Variants in AGBL4 observed in about 807,000 individuals in gnomAD.
AGBL4 encodes the protein AGBL carboxypeptidase 4.
In AGBL4, 58 loss-of-function variants were observed where a neutral mutation model predicts 66.4. That is an observed-to-expected ratio of 0.87 (90% CI 0.71 to 1.09). AGBL4 has a LOEUF of 1.09. AGBL4 is among the 50% of genes least tolerant of loss of function. The probability of loss-of-function intolerance (pLI) is 0.00; values close to 1 mark genes in which losing one functional copy is unlikely to be tolerated. For missense variants in AGBL4, 579 were observed against 631.0 expected, an observed-to-expected ratio of 0.92 and a Z score of 0.88; for synonymous variants, 234 against 222.9, an observed-to-expected ratio of 1.05 and a Z score of -0.44.
intron 1 of AGBL4, among the ~76,000 whole-genome samples, chr1:49,947,977 TAA>T (rs1553151759): frequency 2.7e-5 from 3 of 110,868 alleles, no homozygotes; most frequent in African/African-American, 3.9e-5. Flanking sequence ...TATATATTTA[TAA>T]ATATATATTT....
At chr1:48,708,845 G>C (rs1646919429) in intron 6 of AGBL4, among the ~76,000 whole-genome samples, 1 of 152,180 alleles carries the variant, frequency 6.6e-6, no homozygotes, top group African/African-American at 2.4e-5. Flanking sequence ...TGGCCTCCCT[G>C]TCTGGGACCC....
At chr1:48,778,506 G>A (rs989246785) in intron 6 of AGBL4, among the ~76,000 whole-genome samples, 11 of 152,146 alleles carry the variant, frequency 7.2e-5, no homozygotes, top group Non-Finnish European at 1.3e-4. Context: ...TAATGGAGGT[G>A]TTGGACTCAA....
intron 5 of AGBL4, among the ~76,000 whole-genome samples, chr1:49,043,160 G>A (rs1334364308): frequency 1.3e-5 from 2 of 152,038 alleles, no homozygotes; most frequent in Non-Finnish European, 2.9e-5. Flanking sequence ...ACTGTTAATT[G>A]GACCAGGTGC....
intron 6 of AGBL4, among the ~76,000 whole-genome samples, chr1:48,704,356 AT>A (rs1288195460): frequency 6.6e-6 from 1 of 152,242 alleles, no homozygotes; most frequent in African/African-American, 2.4e-5. Flanking sequence ...TTAGGCTACA[AT>A]CAATTTGTTA....
chr1:49,429,605 C>A (rs1471456596), intron 3 of AGBL4, among the ~76,000 whole-genome samples: 2 of 152,124 alleles, frequency 1.3e-5, no homozygotes, highest in Non-Finnish European at 2.9e-5. Flanking sequence ...CATCTCCCTG[C>A]CACTACTTCT....
At chr1:48,568,019 C>T (rs968332355) in intron 11 of AGBL4, among the ~76,000 whole-genome samples, 1 of 152,150 alleles carries the variant, frequency 6.6e-6, no homozygotes, top group African/African-American at 2.4e-5. Flanking sequence ...TTCCTTCCAG[C>T]TGGAAGCAGA....
At chr1:48,568,475 C>T (rs1644510365) in intron 11 of AGBL4, among the ~76,000 whole-genome samples, 1 of 152,208 alleles carries the variant, frequency 6.6e-6, no homozygotes, top group Non-Finnish European at 1.5e-5. Flanking sequence ...CCGTGACATG[C>T]TCTTCCCGTG....
intron 1 of AGBL4, among the ~76,000 whole-genome samples, chr1:49,969,605 A>G (rs1026945742): frequency 6.6e-6 from 1 of 152,184 alleles, no homozygotes; most frequent in Non-Finnish European, 1.5e-5. Context: ...TCATTTATGA[A>G]GTATGAGTTT....
chr1:49,202,113 T>C (rs549191211), intron 4 of AGBL4, among the ~76,000 whole-genome samples: 1 of 152,286 alleles, frequency 6.6e-6, no homozygotes, highest in Non-Finnish European at 1.5e-5. Flanking sequence ...TTTGTATAAA[T>C]GAAACATTGT....
At chr1:48,638,841 C>T (rs1275304861) in intron 8 of AGBL4, among the ~76,000 whole-genome samples, 1 of 152,196 alleles carries the variant, frequency 6.6e-6, no homozygotes. Flanking sequence ...TCCTCCTAAG[C>T]ATTTTCCTGT....
At chr1:49,312,196 C>T (rs921898187) in intron 3 of AGBL4, among the ~76,000 whole-genome samples, 1 of 152,050 alleles carries the variant, frequency 6.6e-6, no homozygotes, top group Non-Finnish European at 1.5e-5. Context: ...GGTGGCTCTA[C>T]TCCATGAATA....
intron 5 of AGBL4, among the ~76,000 whole-genome samples, chr1:48,997,562 C>A (rs1036295934): frequency 6.6e-6 from 1 of 152,180 alleles, no homozygotes; most frequent in Non-Finnish European, 1.5e-5. Context: ...CAAAATTGCA[C>A]ATGATCTGGC....
chr1:49,010,896 C>T (rs1470855256), intron 5 of AGBL4, among the ~76,000 whole-genome samples: 8 of 151,656 alleles, frequency 5.3e-5, no homozygotes, highest in African/African-American at 1.9e-4. Flanking sequence ...GGATTAAAGA[C>T]TTAAACGTTA....
chr1:49,113,566 T>C, intron 4 of AGBL4, among the ~76,000 whole-genome samples: 1 of 152,210 alleles, frequency 6.6e-6, no homozygotes, highest in Non-Finnish European at 1.5e-5. Context: ...AATGTTCTTA[T>C]TGGCATCTAA....
intron 3 of AGBL4, among the ~76,000 whole-genome samples, chr1:49,654,817 C>T (rs1056483256): frequency 6.6e-6 from 1 of 152,084 alleles, no homozygotes; most frequent in African/African-American, 2.4e-5. Flanking sequence ...CTATGTGTGT[C>T]TCCGCACGTG....
intron 3 of AGBL4, among the ~76,000 whole-genome samples, chr1:49,368,319 A>C (rs1379820340): frequency 6.6e-6 from 1 of 152,134 alleles, no homozygotes; most frequent in Non-Finnish European, 1.5e-5. Flanking sequence ...TGTTTAACTT[A>C]TTTTAAACAA....
chr1:48,754,422 A>AACAAAGGATACCCTCGATAACTGTT (rs1553225135), intron 6 of AGBL4, among the ~76,000 whole-genome samples: 1 of 152,226 alleles, frequency 6.6e-6, no homozygotes, highest in African/African-American at 2.4e-5. Flanking sequence ...CCAGTCCTGG[A>AACAAAGGATACCCTCGATAACTGTT]ACAAAGGATA....
intron 6 of AGBL4, among the ~76,000 whole-genome samples, chr1:48,704,767 C>T (rs75357475): frequency 0.031 from 4,776 of 152,176 alleles, 258 homozygotes; most frequent in African/African-American, 0.11. Flanking sequence ...TCCTGAAGGA[C>T]CTGCCTGAGG....
chr1:49,553,519 T>A (rs1187146848), intron 3 of AGBL4, among the ~76,000 whole-genome samples: 1 of 152,194 alleles, frequency 6.6e-6, no homozygotes, highest in Non-Finnish European at 1.5e-5. Flanking sequence ...ACATCCCCCA[T>A]TAACGTTTCC....
Sources: allele counts gnomAD v4.1 joint callset (sites outside exome capture counted in the v4.1 genomes callset), GRCh38; gene constraint gnomAD v4.1.1; transcripts MANE v1.5; gene names NCBI Gene and HGNC (gene_info 2026-07-23, HGNC 2026-07-21).